Variants in MRC2 observed in about 807,000 individuals in gnomAD.
MRC2 encodes the protein C-type mannose receptor 2.
In MRC2, 84 loss-of-function variants were observed where a neutral mutation model predicts 206.2. The observed-to-expected ratio is 0.41, with a 90% confidence interval of 0.34 to 0.49. MRC2 has a LOEUF of 0.49. MRC2 is among the 20% of genes least tolerant of loss of function. The pLI is 0.31. For missense variants in MRC2, 1,676 were observed against 2,001.5 expected (o/e 0.84, Z 3.10); for synonymous variants, 798 against 800.0 (o/e 1.00, Z 0.04).
Position 62,679,875 on chromosome 17 carries a change from G to C in MRC2, c.2271G>C (p.Gln757His). The C allele has an allele frequency of 6.2e-7, 1 of 1,613,636 alleles. No homozygotes were observed. The highest frequency in any genetic ancestry group is 8.5e-7 in the Non-Finnish European group (1 of 1,179,926). ...GLNRRDPRGG[Q>H]SWRWSDGVGF... is the part of the protein sequence containing the mutation. ...ACCGTCGGGATCCCAGAGGGGGTCA[G>C]AGTTGGCGCTGGAGCGACGGCGTAG... is the stretch of plus-strand genomic sequence containing the variant. The change falls in exon 14 of 30, where the codon CAG becomes CAC. Residue 757 changes from glutamine (Q) to histidine (H), a missense_variant. Gln to His is a conservative substitution (Grantham distance 24, BLOSUM62 0). This residue lies in a region of MRC2 where 1,354 missense variants were observed against 1,636.6 expected (regional missense o/e 0.83). Coordinates refer to ENST00000303375, the MANE Select transcript of MRC2 (RefSeq NM_006039.5).
At chr17:62,630,147 C>T (rs994880877) in intron 1 of MRC2, among the ~76,000 whole-genome samples, 21 of 152,186 alleles carry the variant, frequency 1.4e-4, no homozygotes, top group African/African-American at 4.8e-4. Context: ...GTGTAAGATG[C>T]ATCCTCTGGA....
intron 1 of MRC2, 93 bp downstream of exon 1, chr17:62,628,013 T>A: frequency 1.2e-6 from 1 of 823,730 alleles, no homozygotes; most frequent in Non-Finnish European, 1.7e-6. Flanking sequence ...TTTTCCCCCC[T>A]CTTTTCTCCA....
At position 62,675,747 on chromosome 17, in the gene MRC2, A is replaced by C; in HGVS notation, c.1570-43A>C. ...GATTTATGGGTGAGGGTGGAGAGTC[A>C]TCTTCCCTACAGACACCCCTCTTCT... On this transcript the variant is annotated intron_variant, in intron 9 of 29. Transcript: ENST00000303375. This position sits in a 1 kb window ranked among gnomAD's most constrained non-coding sequence, Gnocchi z 4.1. 6.7e-7 allele frequency: 1 copy of C among 1,486,544 alleles called. No individual in the cohort carries two copies. The highest frequency in any genetic ancestry group is 9.4e-7 in the Non-Finnish European group (1 of 1,064,742). The allele number at this position is 1,486,544 out of a possible 1,614,324, so 92.1% of individuals were successfully genotyped here.
intron 1 of MRC2, among the ~76,000 whole-genome samples, chr17:62,655,721 TA>T (rs71155946): frequency 0.6 from 75,554 of 125,918 alleles, 21,442 homozygotes; most frequent in East Asian, 0.8. Context: ...TCTGTCTCTT[TA>T]AAAAAAAAAA....
intron 28 of MRC2, among the ~76,000 whole-genome samples, chr17:62,691,676 C>T (rs2089113286): frequency 6.7e-6 from 1 of 148,800 alleles, no homozygotes. Context: ...GAGGCTGAGG[C>T]ATGTGAATTG....
In MRC2 at chr17:62,692,342, G is replaced by A. The variant is rs894053039; in HGVS notation, c.4331G>A (p.Arg1444His). Residue 1444 changes from arginine to histidine, a missense_variant, in exon 30 of 30, where the codon CGC (arginine) becomes CAC (histidine). By Grantham distance (29) the Arg-to-His change is conservative. Transcript: ENST00000303375. This position sits in a 1 kb window ranked among gnomAD's most constrained non-coding sequence, Gnocchi z 4.2. ...TACCGGAGGCGCCAGAGCATCGAGC[G>A]CGGGGCCTTTGAGGGTGCCCGCTAC... ...ILYRRRQSIE[R>H]GAFEGARYSR... 1.0e-5 allele frequency: 16 copies of A among 1,576,048 alleles called. No individual in the cohort carries two copies. Among genetic ancestry groups the A allele is most frequent in the South Asian group, 2.3e-5 (2 of 86,438 alleles).
In MRC2 at chr17:62,666,693, G is replaced by A. The variant is rs2088760257; in HGVS notation, c.860-64G>A. On this transcript the variant is annotated intron_variant, in intron 4 of 29. Coordinates refer to ENST00000303375, the MANE Select transcript of MRC2 (RefSeq NM_006039.5). This position sits in a 1 kb window ranked among gnomAD's most constrained non-coding sequence, Gnocchi z 5.0. ...TTTCCGCTTGTGGGTTGGGGAGAGGGCGATGGGGAGCGGGGGAGGCTGGGG... is the reference window on the plus strand; with the variant it reads ...TTTCCGCTTGTGGGTTGGGGAGAGGACGATGGGGAGCGGGGGAGGCTGGGG... The A allele has an allele frequency of 1.3e-6, 2 of 1,573,104 alleles. No individual in the cohort carries two copies. The highest frequency in any genetic ancestry group is 1.8e-5 in the Admixed American group (1 of 55,834).
chr17:62,681,312 C>A, intron 18 of MRC2, 183 bp downstream of exon 18: 1 of 665,464 alleles, frequency 1.5e-6, no homozygotes, highest in Non-Finnish European at 2.5e-6. Context: ...TGAGGCCTGC[C>A]TGGTAAGATT....
At chr17:62,677,527 C>T in intron 12 of MRC2, 41 bp downstream of exon 12, 9 of 1,523,260 alleles carry the variant, frequency 5.9e-6, no homozygotes, top group Admixed American at 2.0e-5. Flanking sequence ...AGGGGGAGGA[C>T]AGGAGCAAAG....
chr17:62,681,929 C>A lies in MRC2; in HGVS notation c.2795C>A (p.Ala932Asp), dbSNP rs780278618. Residue 932 changes from alanine to aspartate, a missense_variant, in exon 19 of 30, where the codon GCC becomes GAC. Physicochemically the swap from Ala to Asp is moderately radical, Grantham distance 126 (BLOSUM62 -2). Around this residue, in one of 3 missense-constraint regions of MRC2, gnomAD observed 1,354 missense variants for 1,636.6 expected, o/e 0.83. Coordinates refer to ENST00000303375, the MANE Select transcript of MRC2 (RefSeq NM_006039.5). ...GKDKKCVYMTASREDWGDQRC... is the reference protein window; with the variant it reads ...GKDKKCVYMTDSREDWGDQRC... Reference sequence around the variant, plus strand: ...GACAAGAAGTGCGTGTACATGACAGCCAGCCGAGGTGAGGGCAAGGTGGGG... The same window carrying A: ...GACAAGAAGTGCGTGTACATGACAGACAGCCGAGGTGAGGGCAAGGTGGGG... The A allele has an allele frequency of 1.2e-6, 2 of 1,613,334 alleles. No homozygotes were observed.
intron 12 of MRC2, among the ~76,000 whole-genome samples, chr17:62,678,051 AAAATAAAT>A (rs946207021): frequency 6.6e-5 from 10 of 152,200 alleles, no homozygotes; most frequent in African/African-American, 2.4e-4. Flanking sequence ...CTCCGTCTCA[AAAATAAAT>A]AAATAAATAA....
chr17:62,667,160 G>A lies in MRC2; in HGVS notation c.974-230G>A, dbSNP rs1198735676. ...CAGCAGCCTGGACGGGGAGGCCGGG[G>A]CGGGGCTGGTACTGGTTACTGGGTA... On this transcript the variant is annotated intron_variant, in intron 5 of 29. Transcript: ENST00000303375. This position sits in a 1 kb window ranked among gnomAD's most constrained non-coding sequence, Gnocchi z 4.1. Among the ~76,000 whole-genome samples, 1 of 152,298 alleles carries A rather than the reference G, an allele frequency of 6.6e-6. No individual in the cohort carries two copies. The highest frequency in any genetic ancestry group is 2.4e-5 in the African/African-American group (1 of 41,566).
intron 20 of MRC2, among the ~76,000 whole-genome samples, chr17:62,684,616 C>T (rs2089010027): frequency 6.6e-6 from 1 of 151,622 alleles, no homozygotes; most frequent in South Asian, 2.1e-4. Flanking sequence ...CGATTGACAA[C>T]GAGTTCATAC....
intron 9 of MRC2, 115 bp downstream of exon 9, chr17:62,674,285 C>A (rs1470149247): frequency 4.2e-6 from 3 of 716,346 alleles, no homozygotes; most frequent in South Asian, 1.9e-5. Flanking sequence ...CTCGTCGGCA[C>A]CCCCTTCCCT....
intron 1 of MRC2, among the ~76,000 whole-genome samples, chr17:62,634,140 A>G (rs2088282060): frequency 6.6e-6 from 1 of 152,154 alleles, no homozygotes. Context: ...GGGGTGGGCA[A>G]TTCCCGGAAC....
rs766320449 is a variant in MRC2, at chr17:62,672,152, G to A, written c.1461G>A (p.Pro487=). The A allele has an allele frequency of 6.2e-7, 1 of 1,613,914 alleles. No individual in the cohort carries two copies. Among genetic ancestry groups the A allele is most frequent in the Non-Finnish European group, 8.5e-7 (1 of 1,180,002 alleles). The change falls in exon 8 of 30, where the codon CCG becomes CCA. Residue 487 remains proline, a splice_region_variant and synonymous_variant. Coordinates refer to ENST00000303375, the MANE Select transcript of MRC2 (RefSeq NM_006039.5). The surrounding 1 kb of genome is among the most constrained non-coding windows in gnomAD (Gnocchi z 4.5). ...SLEDCVTIWG[P]EGRWNDSPCN... ...AGGACTGTGTCACCATCTGGGGCCC[G>A]GTGAGATCTCCCTCTCCCTATCACA...
rs143165778 is a variant in MRC2, at chr17:62,692,822, C to T, written c.*371C>T. The T allele has an allele frequency of 1.6e-4, 37 of 238,010 alleles. No homozygotes were observed. Among genetic ancestry groups the T allele is most frequent in the African/African-American group, 6.6e-4 (30 of 45,150 alleles). 14.7% of individuals were successfully genotyped at this position (238,010 alleles called of 1,614,324 possible). A position where few individuals can be genotyped will look rare whatever the true frequency, so the allele number is the denominator to read the frequency against. ...CCAGGACCCCCTTCTTTGCAGAGCC[C>T]GAGGAGCCTCCCCTGTCCCCTCGGG... is the stretch of plus-strand genomic sequence containing the variant. On this transcript the variant is annotated 3_prime_UTR_variant, in exon 30 of 30. Transcript: ENST00000303375. This position sits in a 1 kb window ranked among gnomAD's most constrained non-coding sequence, Gnocchi z 4.2.
rs774227179 is a variant in MRC2 at position 62,675,871 on chromosome 17, G to A, written c.1651G>A (p.Asp551Asn). ...TYSEARRLCT[D>N]HGSQLVTITN... ...CAGTGAGGCCCGGCGCCTGTGCACT[G>A]ACCATGGCTCTCAGCTGGTCACCAT... The change falls in exon 10 of 30, where the codon GAC becomes AAC. Residue 551 changes from aspartate (D) to asparagine (N), a missense_variant. By Grantham distance (23) the Asp-to-Asn change is conservative. Around this residue, in one of 3 missense-constraint regions of MRC2, gnomAD observed 1,354 missense variants for 1,636.6 expected, o/e 0.83. Coordinates refer to ENST00000303375, the MANE Select transcript of MRC2 (RefSeq NM_006039.5). The surrounding 1 kb of genome is among the most constrained non-coding windows in gnomAD (Gnocchi z 4.1). 2 of 1,614,098 alleles carry A rather than the reference G, an allele frequency of 1.2e-6. No individual in the cohort carries two copies. Among genetic ancestry groups the A allele is most frequent in the Non-Finnish European group, 1.7e-6 (2 of 1,180,002 alleles).
Position 62,680,404 on chromosome 17 carries a change from C to T in MRC2, c.2438-14C>T. 3.1e-6 allele frequency: 5 copies of T among 1,614,120 alleles called. No individual in the cohort carries two copies. Among genetic ancestry groups the T allele is most frequent in the Non-Finnish European group, 4.2e-6 (5 of 1,179,992 alleles). On this transcript the variant is annotated splice_polypyrimidine_tract_variant and intron_variant, in intron 15 of 29. Coordinates refer to ENST00000303375, the MANE Select transcript of MRC2 (RefSeq NM_006039.5). The surrounding 1 kb of genome is among the most constrained non-coding windows in gnomAD (Gnocchi z 4.8). ...TCTCCTTTCCTCACAACGTCTTTGT[C>T]CTTGTTCCCCTAGGTACGGACGTGC...
Sources: gnomAD v4.1 joint callset for allele counts (sites outside exome capture counted in the v4.1 genomes callset) on GRCh38, gnomAD v4.1.1 for gene constraint, gnomAD v4.1.1 regional missense constraint, Gnocchi (gnomAD v3.1) non-coding constraint, MANE v1.5 for transcripts, NCBI Gene and HGNC (gene_info 2026-07-23, HGNC 2026-07-21) for gene names.